Variants in KDM4C observed in about 807,000 individuals in gnomAD.
The protein encoded by KDM4C is lysine-specific demethylase 4C.
KDM4C carries 81 observed loss-of-function variants against 129.3 expected under a neutral mutation model. The ratio of observed to expected loss-of-function variants is 0.63; its 90% confidence interval spans 0.52 to 0.75. The LOEUF (loss-of-function observed/expected upper bound fraction) is 0.75, where lower values mean the gene tolerates loss of function less well. KDM4C is among the 30% of genes least tolerant of loss of function. KDM4C has a pLI of 0.00. For missense variants in KDM4C, 1,457 were observed against 1,304.0 expected (o/e 1.12, Z -1.81); for synonymous variants, 573 against 456.1 (o/e 1.26, Z -3.26).
At chr9:6,976,979 G>A (rs1360206060) in intron 8 of KDM4C, among the ~76,000 whole-genome samples, 1 of 151,972 alleles carries the variant, frequency 6.6e-6, no homozygotes, top group Non-Finnish European at 1.5e-5. Flanking sequence ...TGTTTCATTT[G>A]GGCTTATTTG....
At chr9:6,884,160 G>A (rs2130810400) in intron 6 of KDM4C, among the ~76,000 whole-genome samples, 1 of 152,174 alleles carries the variant, frequency 6.6e-6, no homozygotes, top group Non-Finnish European at 1.5e-5. Flanking sequence ...AGATGTTGAT[G>A]GATTATGGGA....
intron 19 of KDM4C, among the ~76,000 whole-genome samples, chr9:7,157,996 T>G (rs1843371496): frequency 1.3e-5 from 2 of 152,212 alleles, no homozygotes; most frequent in South Asian, 4.1e-4. Flanking sequence ...GGACTTTTTT[T>G]GGTTGGTAGG....
chr9:6,847,629 A>T (rs1838088423), intron 4 of KDM4C, among the ~76,000 whole-genome samples: 1 of 152,056 alleles, frequency 6.6e-6, no homozygotes, highest in South Asian at 2.1e-4. Context: ...TGACCTCATG[A>T]TCCACCCGCC....
intron 12 of KDM4C, among the ~76,000 whole-genome samples, chr9:7,002,343 G>T (rs1820881977): frequency 6.6e-6 from 1 of 152,030 alleles, no homozygotes; most frequent in Admixed American, 6.5e-5. Context: ...ATTTATAATT[G>T]TATAAATTTA....
At chr9:6,955,279 A>T (rs1192952312) in intron 8 of KDM4C, among the ~76,000 whole-genome samples, 1 of 152,226 alleles carries the variant, frequency 6.6e-6, no homozygotes, top group Non-Finnish European at 1.5e-5. Flanking sequence ...TCAGTTCCTT[A>T]GGTGGGGTAA....
chr9:7,089,586 G>C (rs752549546), intron 17 of KDM4C, among the ~76,000 whole-genome samples: 1 of 152,148 alleles, frequency 6.6e-6, no homozygotes. Context: ...ATACTCTTGT[G>C]AGGTATAATA....
chr9:7,026,953 C>G (rs1825913737), intron 15 of KDM4C, among the ~76,000 whole-genome samples: 1 of 151,972 alleles, frequency 6.6e-6, no homozygotes, highest in East Asian at 1.9e-4. Context: ...TTATTTCAAT[C>G]TCTTCGTTAA....
At chr9:6,757,400 C>T (rs1818380072), upstream of KDM4C, among the ~76,000 whole-genome samples, 1 of 152,250 alleles carries the variant, frequency 6.6e-6, no homozygotes, top group Non-Finnish European at 1.5e-5. Flanking sequence ...CTTCCAGAGG[C>T]TGACACGCTC....
At position 6,791,113 on chromosome 9, in the gene KDM4C, C is replaced by G. The variant is rs578124938; in HGVS notation, c.-17-1859C>G. Reference sequence around the variant, plus strand: ...CTGGGAAAATGATTGCTCATTAACCCAGGTGGAGTTAGTTACTTCTTCCTG... The same window carrying G: ...CTGGGAAAATGATTGCTCATTAACCGAGGTGGAGTTAGTTACTTCTTCCTG... On this transcript the variant is annotated intron_variant, in intron 1 of 21. Coordinates refer to ENST00000381309, the MANE Select transcript of KDM4C (RefSeq NM_015061.6). 5.3e-5 allele frequency among the ~76,000 whole-genome samples: 8 copies of G among 152,158 alleles called. No homozygotes were observed. In the East Asian group the frequency reaches 1.5e-3, roughly 29 times the overall value.
chr9:6,732,164 A>T (rs1304199449), intron 1 of KDM4C, among the ~76,000 whole-genome samples: 4 of 151,518 alleles, frequency 2.6e-5, no homozygotes, highest in Admixed American at 2.0e-4. Flanking sequence ...CAGGAGATTG[A>T]GACCATCCTG....
intron 6 of KDM4C, among the ~76,000 whole-genome samples, chr9:6,884,936 C>A (rs989322136): frequency 3.3e-5 from 5 of 152,140 alleles, no homozygotes; most frequent in African/African-American, 9.7e-5. Flanking sequence ...CACACCTGTT[C>A]CATATTTTTA....
chr9:6,810,144 C>G (rs989220079), intron 3 of KDM4C, among the ~76,000 whole-genome samples: 1 of 152,194 alleles, frequency 6.6e-6, no homozygotes, highest in Admixed American at 6.5e-5. Flanking sequence ...ATCATCCTCT[C>G]TAGCCCATTT....
At chr9:7,154,807 C>T (rs1370816758) in intron 19 of KDM4C, among the ~76,000 whole-genome samples, 2 of 152,110 alleles carry the variant, frequency 1.3e-5, no homozygotes, top group Non-Finnish European at 2.9e-5. Flanking sequence ...CTGGCAGCTC[C>T]AGACACCAGT....
intron 1 of KDM4C, among the ~76,000 whole-genome samples, chr9:6,787,932 A>G (rs1158564814): frequency 2.6e-5 from 4 of 152,150 alleles, no homozygotes; most frequent in Non-Finnish European, 5.9e-5. Flanking sequence ...AGTAAATGCC[A>G]AACTCCTTTT....
intron 13 of KDM4C, 51 bp from the exon 14 acceptor site, chr9:7,013,737 A>G (rs533919455): frequency 9.7e-6 from 15 of 1,551,226 alleles, no homozygotes; most frequent in Middle Eastern, 2.0e-4. Flanking sequence ...GACTAGAATG[A>G]TGAGCTCTTT....
chr9:6,721,076 T>C lies in KDM4C; in HGVS notation c.49+79T>C, dbSNP rs1046566525. ...TGTCACACTTAAAGCAATGTTAATT[T>C]CTTTATTTTTATTTTTTTAGAATCA... On this transcript the variant is annotated intron_variant, in intron 1 of 17. Coordinates refer to the KDM4C transcript ENST00000536108. 9.9e-6 allele frequency: 13 copies of C among 1,316,946 alleles called. No homozygotes were observed. The African/African-American group carries it at 1.8e-4, about 18-fold the overall frequency. The allele number at this position is 1,316,946 out of a possible 1,614,324, so 81.6% of individuals were successfully genotyped here. A position where few individuals can be genotyped will look rare whatever the true frequency, so the allele number is the denominator to read the frequency against.
chr9:7,008,972 C>G (rs1003777070), intron 12 of KDM4C, among the ~76,000 whole-genome samples: 5 of 152,126 alleles, frequency 3.3e-5, no homozygotes, highest in Non-Finnish European at 5.9e-5. Context: ...CTCATGGTCA[C>G]AAGAATCATG....
intron 19 of KDM4C, among the ~76,000 whole-genome samples, chr9:7,154,981 A>G (rs1843021433): frequency 6.6e-6 from 1 of 152,216 alleles, no homozygotes; most frequent in Non-Finnish European, 1.5e-5. Flanking sequence ...TAATGCATAT[A>G]ATTTTCCAGC....
intron 9 of KDM4C, chr9:6,982,567 GA>G (rs1378131140): frequency 6.6e-6 from 1 of 152,186 alleles, no homozygotes; most frequent in Admixed American, 6.5e-5. Flanking sequence ...TTACATTCAA[GA>G]AAAGTTTGAG....
Sources: allele counts gnomAD v4.1 joint callset (sites outside exome capture counted in the v4.1 genomes callset), GRCh38; gene constraint gnomAD v4.1.1; transcripts MANE v1.5; gene names NCBI Gene and HGNC (gene_info 2026-07-23, HGNC 2026-07-21).